The following STARD13 variants were observed in gnomAD, a reference collection of about 807,000 sequenced individuals.
STARD13 encodes stAR-related lipid transfer protein 13.
STARD13 carries 62 observed loss-of-function variants against 106.4 expected under a neutral mutation model. The ratio of observed to expected loss-of-function variants is 0.58; its 90% CI spans 0.48 to 0.72. The LOEUF (loss-of-function observed/expected upper bound fraction) is 0.72. Among genes scored for constraint, STARD13 ranks in the 30% least tolerant of loss-of-function variants. STARD13 has a pLI of 0.00. For synonymous variants in STARD13, 565 were observed against 553.0 expected (o/e 1.02, Z -0.31); for missense variants, 1,387 against 1,424.0 (o/e 0.97, Z 0.42).
intron 2 of STARD13, among the ~76,000 whole-genome samples, chr13:33,167,067 T>G (rs1883408115): frequency 6.6e-6 from 1 of 151,910 alleles, no homozygotes; most frequent in Non-Finnish European, 1.5e-5. Context: ...ACACCTTACC[T>G]AAAACTCGGA....
chr13:33,267,779 A>C (rs1890969317), intron 1 of STARD13, among the ~76,000 whole-genome samples: 2 of 152,228 alleles, frequency 1.3e-5, no homozygotes. Flanking sequence ...TGTCTTTGAC[A>C]AGAAGCTGAG....
chr13:33,443,326 A>G, the STARD13 span, among the ~76,000 whole-genome samples: 3 of 151,684 alleles, frequency 2.0e-5, no homozygotes, highest in African/African-American at 7.3e-5. Flanking sequence ...GCAGTGAGCC[A>G]AGATAGTGCC....
At chr13:33,662,854 A>C in the STARD13 span, among the ~76,000 whole-genome samples, 1 of 152,232 alleles carries the variant, frequency 6.6e-6, no homozygotes, top group African/African-American at 2.4e-5. Flanking sequence ...AAATATAAAA[A>C]GCTAATGAAT....
the STARD13 span, among the ~76,000 whole-genome samples, chr13:33,507,830 A>G: frequency 6.6e-6 from 1 of 152,156 alleles, no homozygotes; most frequent in Non-Finnish European, 1.5e-5. Context: ...GGAAGAGAAA[A>G]TATATTTATT....
the STARD13 span, among the ~76,000 whole-genome samples, chr13:33,671,117 C>G: frequency 6.6e-6 from 1 of 152,178 alleles, no homozygotes; most frequent in African/African-American, 2.4e-5. Context: ...TGCTTTTCCT[C>G]AATAGTTTGA....
the STARD13 span, among the ~76,000 whole-genome samples, chr13:33,545,754 G>T: frequency 6.6e-6 from 1 of 152,156 alleles, no homozygotes; most frequent in Non-Finnish European, 1.5e-5. Flanking sequence ...TTGCTGCTTT[G>T]TCTTGCTTCC....
At chr13:33,297,761 T>C (rs953299760) in intron 1 of STARD13, among the ~76,000 whole-genome samples, 6 of 152,164 alleles carry the variant, frequency 3.9e-5, no homozygotes, top group Non-Finnish European at 5.9e-5. Context: ...GCCTAACCAA[T>C]GATATATGAT....
At chr13:33,515,963 T>C in the STARD13 span, among the ~76,000 whole-genome samples, 2 of 152,016 alleles carry the variant, frequency 1.3e-5, no homozygotes, top group Admixed American at 1.3e-4. Context: ...TTTTATCTGA[T>C]AGCTTATCTC....
chr13:33,448,440 CT>C, the STARD13 span, among the ~76,000 whole-genome samples: 2 of 152,056 alleles, frequency 1.3e-5, no homozygotes, highest in Non-Finnish European at 2.9e-5. Context: ...ACAAAATATT[CT>C]TTTTTTATGG....
chr13:33,307,887 A>C (rs186015357), intron 1 of STARD13, among the ~76,000 whole-genome samples: 225 of 152,344 alleles, frequency 1.5e-3, no homozygotes, highest in African/African-American at 3.8e-3. Flanking sequence ...TTGTTCATTT[A>C]TAATCAAATG....
chr13:33,481,931 C>T, the STARD13 span, among the ~76,000 whole-genome samples: 6 of 148,096 alleles, frequency 4.1e-5, no homozygotes, highest in African/African-American at 1.5e-4. Context: ...TGCAGTGAGC[C>T]GAGATCGCGC....
chr13:33,150,827 C>T (rs923314823), intron 3 of STARD13, among the ~76,000 whole-genome samples: 1 of 152,192 alleles, frequency 6.6e-6, no homozygotes, highest in African/African-American at 2.4e-5. Context: ...ATAGTAGTCT[C>T]ATTTTAAGAG....
chr13:33,676,317 C>A, the STARD13 span, among the ~76,000 whole-genome samples: 3 of 152,154 alleles, frequency 2.0e-5, no homozygotes, highest in Admixed American at 2.0e-4. Flanking sequence ...GGGATTGGAC[C>A]TGCACCCAGA....
At chr13:33,644,601 C>T in the STARD13 span, among the ~76,000 whole-genome samples, 31 of 152,186 alleles carry the variant, frequency 2.0e-4, no homozygotes, top group East Asian at 4.6e-3. Flanking sequence ...AGGCGTCATG[C>T]GGCCATGAAA....
the STARD13 span, among the ~76,000 whole-genome samples, chr13:33,527,811 T>G: frequency 6.6e-6 from 1 of 151,892 alleles, no homozygotes; most frequent in African/African-American, 2.4e-5. Context: ...CAAAGAAGAA[T>G]CTTACTCAGA....
At chr13:33,277,435 A>G (rs1891504598) in intron 1 of STARD13, 1 of 152,154 alleles carries the variant, frequency 6.6e-6, no homozygotes, top group South Asian at 2.1e-4. Context: ...TTTCTGTCAT[A>G]CTAGGAGAGC....
the STARD13 span, among the ~76,000 whole-genome samples, chr13:33,499,648 C>CTTCTTCTTCTT: frequency 4.3e-5 from 3 of 69,688 alleles, no homozygotes; most frequent in East Asian, 1.5e-3. Flanking sequence ...TTCTTCTTCT[C>CTTCTTCTTCTT]CTTCTTCTTC....
At chr13:33,527,013 T>C in the STARD13 span, among the ~76,000 whole-genome samples, 4 of 152,130 alleles carry the variant, frequency 2.6e-5, no homozygotes, top group Non-Finnish European at 5.9e-5. Context: ...GTTTTGTTCT[T>C]TGACAAGAAA....
At chr13:33,477,710 C>T in the STARD13 span, among the ~76,000 whole-genome samples, 1 of 152,154 alleles carries the variant, frequency 6.6e-6, no homozygotes, top group East Asian at 1.9e-4. Flanking sequence ...CATTCCTCCG[C>T]ATGAAGCAGC....
Sources: gnomAD v4.1 joint callset for allele counts (sites outside exome capture counted in the v4.1 genomes callset) on GRCh38, gnomAD v4.1.1 for gene constraint, MANE v1.5 for transcripts, NCBI Gene and HGNC (gene_info 2026-07-23, HGNC 2026-07-21) for gene names.